REDIC1: variants seen among roughly 807,000 people sequenced by gnomAD.
REDIC1 encodes the protein regulator of DNA class I crossover intermediates 1.
chr12:39,896,103 T>C, the REDIC1 span, among the ~76,000 whole-genome samples: 20 of 146,652 alleles, frequency 1.4e-4, no homozygotes, highest in African/African-American at 5.2e-4. Context: ...TACACGTGTA[T>C]ACATATATGA....
At chr12:39,663,146 G>C in the REDIC1 span, among the ~76,000 whole-genome samples, 33 of 151,820 alleles carry the variant, frequency 2.2e-4, no homozygotes, top group African/African-American at 7.7e-4. Context: ...TAATGAGTTA[G>C]GAAGATTTTC....
At chr12:39,720,243 C>T in the REDIC1 span, among the ~76,000 whole-genome samples, 7 of 151,716 alleles carry the variant, frequency 4.6e-5, no homozygotes, top group Non-Finnish European at 1.0e-4. Flanking sequence ...TTCCTATTAC[C>T]TGATGCTCTT....
the REDIC1 span, among the ~76,000 whole-genome samples, chr12:39,808,936 A>T: frequency 6.6e-6 from 1 of 151,728 alleles, no homozygotes; most frequent in African/African-American, 2.4e-5. Context: ...CAATATATCA[A>T]TTTTTTCTTT....
the REDIC1 span, among the ~76,000 whole-genome samples, chr12:39,821,012 T>G: frequency 2.0e-5 from 3 of 152,086 alleles, no homozygotes; most frequent in African/African-American, 7.2e-5. Flanking sequence ...CCTACTGCAC[T>G]GCTCCCCAAA....
chr12:39,713,894 T>C, the REDIC1 span, among the ~76,000 whole-genome samples: 2 of 148,662 alleles, frequency 1.3e-5, no homozygotes, highest in Non-Finnish European at 3.0e-5. Flanking sequence ...TATACACTTA[T>C]ACGTATATAC....
the REDIC1 span, among the ~76,000 whole-genome samples, chr12:39,725,901 T>G: frequency 1.3e-5 from 2 of 151,954 alleles, no homozygotes; most frequent in Admixed American, 6.6e-5. Context: ...TCATTTTGTG[T>G]ATTATGTGGT....
chr12:39,687,928 C>G, the REDIC1 span, among the ~76,000 whole-genome samples: 1 of 152,192 alleles, frequency 6.6e-6, no homozygotes, highest in Non-Finnish European at 1.5e-5. Flanking sequence ...GATTAGATAA[C>G]TTGTTTGAGG....
At chr12:39,763,158 A>C in the REDIC1 span, among the ~76,000 whole-genome samples, 4 of 152,070 alleles carry the variant, frequency 2.6e-5, no homozygotes, top group Non-Finnish European at 5.9e-5. Context: ...GAATTTATCG[A>C]AAAATTTTAA....
At chr12:39,730,625 G>T in the REDIC1 span, among the ~76,000 whole-genome samples, 1 of 152,032 alleles carries the variant, frequency 6.6e-6, no homozygotes, top group African/African-American at 2.4e-5. Flanking sequence ...TGAATCTGAC[G>T]ACTACGTGTC....
the REDIC1 span, among the ~76,000 whole-genome samples, chr12:39,660,211 T>G: frequency 6.6e-6 from 1 of 152,216 alleles, no homozygotes; most frequent in African/African-American, 2.4e-5. Flanking sequence ...GAGAACACTC[T>G]GGATCTCTGG....
chr12:39,794,713 G>A, the REDIC1 span, among the ~76,000 whole-genome samples: 2 of 152,182 alleles, frequency 1.3e-5, no homozygotes, highest in Admixed American at 6.5e-5. Context: ...GCCTGGAGTG[G>A]CTGTGAACAT....
chr12:39,771,824 C>CCTACCT, the REDIC1 span, among the ~76,000 whole-genome samples: 1 of 152,142 alleles, frequency 6.6e-6, no homozygotes, highest in Admixed American at 6.5e-5. Flanking sequence ...AATGTGGCTG[C>CCTACCT]AGCCTACCTT....
the REDIC1 span, among the ~76,000 whole-genome samples, chr12:39,838,297 C>A: frequency 7.2e-6 from 1 of 139,650 alleles, no homozygotes; most frequent in African/African-American, 2.7e-5. Context: ...ACAATGAGAT[C>A]ACATGGACAC....
chr12:39,898,463 A>G, the REDIC1 span, among the ~76,000 whole-genome samples: 4 of 151,636 alleles, frequency 2.6e-5, no homozygotes, highest in African/African-American at 4.8e-5. Context: ...ATGACATACC[A>G]TATTCTGCCA....
the REDIC1 span, among the ~76,000 whole-genome samples, chr12:39,706,618 C>T: frequency 2.0e-5 from 3 of 151,736 alleles, no homozygotes; most frequent in African/African-American, 4.8e-5. Flanking sequence ...AGCATGAGAA[C>T]TATAGTAACC....
chr12:39,860,291 G>T, the REDIC1 span, among the ~76,000 whole-genome samples: 3 of 152,290 alleles, frequency 2.0e-5, no homozygotes, highest in Admixed American at 2.0e-4. Context: ...AGCATGAATA[G>T]CTTATGATTC....
At chr12:39,713,260 GTATATATGTGTACA>G in the REDIC1 span, among the ~76,000 whole-genome samples, 2 of 67,318 alleles carry the variant, frequency 3.0e-5, no homozygotes, top group African/African-American at 8.1e-5. Flanking sequence ...ACACATACGT[GTATATATGTGTACA>G]CACACATACG....
the REDIC1 span, among the ~76,000 whole-genome samples, chr12:39,803,078 G>A: frequency 6.6e-6 from 1 of 151,958 alleles, no homozygotes; most frequent in African/African-American, 2.4e-5. Context: ...GAGAAGTAAA[G>A]TACAGCCATT....
chr12:39,742,251 G>T, the REDIC1 span, among the ~76,000 whole-genome samples: 2 of 152,196 alleles, frequency 1.3e-5, no homozygotes, highest in East Asian at 1.9e-4. Flanking sequence ...TGCTAAGCAG[G>T]ATGGCTTTTT....
Sources: allele counts gnomAD v4.1 joint callset (sites outside exome capture counted in the v4.1 genomes callset), GRCh38; gene constraint gnomAD v4.1.1; transcripts MANE v1.5; gene names NCBI Gene and HGNC (gene_info 2026-07-23, HGNC 2026-07-21).